Variants in COL13A1 observed in about 807,000 individuals in gnomAD.
COL13A1 encodes the protein collagen type XIII alpha 1 chain.
A neutral mutation model predicts 130.9 loss-of-function variants in COL13A1; 89 were observed. The ratio of observed to expected loss-of-function variants is 0.68; its 90% confidence interval spans 0.57 to 0.81. The LOEUF is 0.81. Ranked by LOEUF, COL13A1 falls within the 30% of genes least tolerant of loss-of-function variation. COL13A1 has a pLI of 0.00. For missense variants in COL13A1, 879 were observed against 934.6 expected (o/e 0.94, Z 0.78); for synonymous variants, 402 against 341.6 (o/e 1.18, Z -1.95).
intron 2 of COL13A1, among the ~76,000 whole-genome samples, chr10:69,845,241 G>T (rs1487373108): frequency 6.7e-6 from 1 of 149,182 alleles, no homozygotes; most frequent in Non-Finnish European, 1.5e-5. Context: ...CACCCAGGCT[G>T]GAGTGCAGTG....
chr10:69,823,925 G>T (rs554117392), intron 2 of COL13A1, among the ~76,000 whole-genome samples: 2 of 152,148 alleles, frequency 1.3e-5, no homozygotes, highest in Non-Finnish European at 2.9e-5. Flanking sequence ...GAGACCGTTC[G>T]CATCAGGGCT....
chr10:69,934,029 A>T (rs556982534), intron 31 of COL13A1, among the ~76,000 whole-genome samples: 1 of 152,346 alleles, frequency 6.6e-6, no homozygotes, highest in South Asian at 2.1e-4. Flanking sequence ...AATCATAAGC[A>T]TATACATATA....
Position 69,846,806 on chromosome 10 carries a change from C to T in COL13A1, c.365-20992C>T, listed in dbSNP as rs138754035. Among the ~76,000 whole-genome samples the T allele has an allele frequency of 4.5e-3, 682 of 152,304 alleles. 4 individuals carry two copies. Among genetic ancestry groups the T allele is most frequent in the African/African-American group, 0.015 (638 of 41,566 alleles). ...GGCAGAGGAAGTTTCCCTGGAGGTC[C>T]CTCCTCTGCCGTGGCTGCTGGTGAG... On this transcript the variant is annotated intron_variant, in intron 2 of 40. Transcript: ENST00000645393.
intron 1 of COL13A1, among the ~76,000 whole-genome samples, chr10:69,818,720 G>A (rs943021534): frequency 2.0e-5 from 3 of 152,172 alleles, no homozygotes; most frequent in Non-Finnish European, 4.4e-5. Flanking sequence ...ATGTTCAAGG[G>A]CAGGAGAAGA....
intron 10 of COL13A1, 31 bp from the exon 11 acceptor site, chr10:69,894,521 C>T: frequency 1.9e-6 from 3 of 1,613,234 alleles, no homozygotes; most frequent in Non-Finnish European, 1.7e-6. Flanking sequence ...TTCTGTCTGC[C>T]CACTGACCTG....
chr10:69,824,580 T>G (rs1227765), intron 2 of COL13A1, among the ~76,000 whole-genome samples: 148,017 of 152,226 alleles, frequency 0.97, 72,097 homozygotes, highest in East Asian at 1. Context: ...TGGAACCCAC[T>G]GGTCCTGGGC....
intron 2 of COL13A1, among the ~76,000 whole-genome samples, chr10:69,835,331 G>C (rs7900421): frequency 0.23 from 35,617 of 151,966 alleles, 4,261 homozygotes; most frequent in East Asian, 0.35. Context: ...GCAGTTATAA[G>C]AGACTAGAAG....
intron 26 of COL13A1, 119 bp downstream of exon 26, chr10:69,925,991 A>C: frequency 1.2e-6 from 1 of 801,516 alleles, no homozygotes; most frequent in Non-Finnish European, 2.1e-6. Context: ...GCCCTCAGGC[A>C]GCGCTTCCAG....
chr10:69,842,924 G>A (rs903987568), intron 2 of COL13A1, among the ~76,000 whole-genome samples: 1 of 152,180 alleles, frequency 6.6e-6, no homozygotes, highest in Admixed American at 6.5e-5. Context: ...ACATGCCTCC[G>A]GTCTACACTC....
intron 34 of COL13A1, among the ~76,000 whole-genome samples, chr10:69,938,549 T>G (rs1004380830): frequency 3.9e-5 from 6 of 152,158 alleles, no homozygotes; most frequent in African/African-American, 1.4e-4. Context: ...CAGAGGCTGA[T>G]CTGAGGCCAT....
intron 2 of COL13A1, among the ~76,000 whole-genome samples, chr10:69,830,471 A>G (rs918594608): frequency 1.1e-4 from 16 of 152,250 alleles, no homozygotes; most frequent in Non-Finnish European, 2.1e-4. Context: ...CTCTGGAGGG[A>G]AAAAAGCAAA....
At chr10:69,858,538 G>A (rs539471132) in intron 2 of COL13A1, among the ~76,000 whole-genome samples, 3 of 152,302 alleles carry the variant, frequency 2.0e-5, no homozygotes, top group African/African-American at 7.2e-5. Context: ...GTAAAAGGAA[G>A]AACAGTGAAA....
intron 38 of COL13A1, among the ~76,000 whole-genome samples, chr10:69,949,912 T>TG: frequency 1.3e-5 from 1 of 75,416 alleles, no homozygotes; most frequent in Non-Finnish European, 2.7e-5. Flanking sequence ...TTTGGGGGGG[T>TG]GGGGGGTGCA....
chr10:69,935,643 C>T (rs1168836659), intron 32 of COL13A1, among the ~76,000 whole-genome samples: 1 of 152,220 alleles, frequency 6.6e-6, no homozygotes, highest in Non-Finnish European at 1.5e-5. Context: ...TCCCTTGTCT[C>T]TAAGCTCTGC....
At chr10:69,837,533 A>C (rs1850424186) in intron 2 of COL13A1, among the ~76,000 whole-genome samples, 1 of 152,156 alleles carries the variant, frequency 6.6e-6, no homozygotes, top group Admixed American at 6.5e-5. Flanking sequence ...CTGCCACAGA[A>C]ACTGATTGGA....
rs1202508798 is a variant in COL13A1 at position 69,880,546 on chromosome 10, G to GC, written c.512dup (p.Gly172TrpfsTer6). ...GGGCTGTCCATCATTGGTCCCCGCG[G>GC]CCCCCCTGTAAGTTGTTTTTGCTCT... On this transcript the variant is annotated frameshift_variant, in exon 7 of 41. Transcript: ENST00000645393. LOFTEE classifies it high-confidence loss of function. 3.7e-6 allele frequency: 6 copies of GC among 1,613,246 alleles called. No homozygotes were observed. The highest frequency in any genetic ancestry group is 1.7e-6 in the Non-Finnish European group (2 of 1,179,762).
intron 31 of COL13A1, among the ~76,000 whole-genome samples, chr10:69,934,934 A>G (rs991680750): frequency 6.6e-6 from 1 of 152,224 alleles, no homozygotes; most frequent in Non-Finnish European, 1.5e-5. Flanking sequence ...GCGCTGGATC[A>G]AAGACAATAA....
chr10:69,872,700 G>A (rs890142957), intron 4 of COL13A1, among the ~76,000 whole-genome samples: 1 of 152,104 alleles, frequency 6.6e-6, no homozygotes, highest in African/African-American at 2.4e-5. Flanking sequence ...GGGGACTCTG[G>A]GACAAAAAAT....
At chr10:69,883,568 A>G (rs1444740740) in intron 7 of COL13A1, among the ~76,000 whole-genome samples, 1 of 152,198 alleles carries the variant, frequency 6.6e-6, no homozygotes, top group Non-Finnish European at 1.5e-5. Flanking sequence ...CACATAATCC[A>G]TGACAATGCA....
Sources: gnomAD v4.1 joint callset for allele counts (sites outside exome capture counted in the v4.1 genomes callset) on GRCh38, gnomAD v4.1.1 for gene constraint, MANE v1.5 for transcripts, NCBI Gene and HGNC (gene_info 2026-07-23, HGNC 2026-07-21) for gene names.